The following ZNF804B variants were observed in gnomAD, a reference collection of about 807,000 sequenced individuals.
The protein encoded by ZNF804B is zinc finger 804B.
ZNF804B carries 80 observed loss-of-function variants against 101.4 expected under a neutral mutation model. The observed-to-expected ratio is 0.79, with a 90% CI of 0.66 to 0.95. The LOEUF (loss-of-function observed/expected upper bound fraction) is 0.95. Ranked by LOEUF, ZNF804B falls within the 40% of genes least tolerant of loss-of-function variation. The pLI, the probability that ZNF804B is intolerant of heterozygous loss-of-function variation, is 0.00. For synonymous variants in ZNF804B, 622 were observed against 558.8 expected (o/e 1.11, Z -1.59); for missense variants, 1,673 against 1,561.9 (o/e 1.07, Z -1.20).
intron 2 of ZNF804B, among the ~76,000 whole-genome samples, chr7:89,262,505 C>T (rs1789726116): frequency 6.6e-6 from 1 of 152,184 alleles, no homozygotes. Context: ...ATGTAAAGTG[C>T]TCAGACAGTG....
intron 1 of ZNF804B, among the ~76,000 whole-genome samples, chr7:89,161,647 C>T: frequency 1.0e-5 from 1 of 98,390 alleles, no homozygotes; most frequent in African/African-American, 3.2e-5. Context: ...CCTTAGCCTC[C>T]CAAAGTGCTG....
chr7:89,171,077 C>T (rs182183256), intron 1 of ZNF804B, among the ~76,000 whole-genome samples: 170 of 152,264 alleles, frequency 1.1e-3, no homozygotes, highest in African/African-American at 4.0e-3. Flanking sequence ...TATGAATGAC[C>T]AATAAGGCTG....
intron 1 of ZNF804B, among the ~76,000 whole-genome samples, chr7:88,840,442 T>TA (rs768418755): frequency 6.6e-6 from 1 of 152,146 alleles, no homozygotes; most frequent in Non-Finnish European, 1.5e-5. Context: ...CAATTGTCTG[T>TA]AAAATAAGAA....
At chr7:89,234,962 C>G (rs1243836830) in intron 2 of ZNF804B, among the ~76,000 whole-genome samples, 1 of 152,170 alleles carries the variant, frequency 6.6e-6, no homozygotes, top group Non-Finnish European at 1.5e-5. Flanking sequence ...AACCCTCTCT[C>G]TTATTTCTTA....
At chr7:89,252,494 A>T (rs2115791491) in intron 2 of ZNF804B, among the ~76,000 whole-genome samples, 1 of 152,296 alleles carries the variant, frequency 6.6e-6, no homozygotes, top group African/African-American at 2.4e-5. Flanking sequence ...TAGAACTTAA[A>T]ACAGGACTAC....
intron 2 of ZNF804B, among the ~76,000 whole-genome samples, chr7:89,297,051 C>G (rs1032185956): frequency 6.6e-6 from 1 of 151,906 alleles, no homozygotes; most frequent in African/African-American, 2.4e-5. Context: ...TTAACATAGC[C>G]CCTCAGCTGT....
chr7:89,314,014 C>A (rs1790683014), intron 2 of ZNF804B, among the ~76,000 whole-genome samples: 1 of 152,112 alleles, frequency 6.6e-6, no homozygotes, highest in Non-Finnish European at 1.5e-5. Flanking sequence ...TTCCCTATTT[C>A]CCTCTAGGAA....
rs887375355 is a variant in ZNF804B, at chr7:88,961,088, C to G, written c.108+201004C>G. ...TGAATGTGAATCAAAACCTCTGATTCTATCACATGTGCTCTTAGGCACAAT... is the reference window on the plus strand; with the variant it reads ...TGAATGTGAATCAAAACCTCTGATTGTATCACATGTGCTCTTAGGCACAAT... On this transcript the variant is annotated intron_variant, in intron 1 of 3. Transcript: ENST00000333190. Among the ~76,000 whole-genome samples the G allele has an allele frequency of 2.0e-5, 3 of 151,462 alleles. No homozygotes were observed. In the East Asian group the frequency reaches 5.9e-4, roughly 30 times the overall value.
At position 88,914,430 on chromosome 7, in the gene ZNF804B, G is replaced by T. The variant is rs138136900; in HGVS notation, c.108+154346G>T. Among the ~76,000 whole-genome samples the T allele has an allele frequency of 2.4e-4, 36 of 152,176 alleles. 1 individual carries two copies. In the East Asian group the frequency reaches 6.4e-3, roughly 27 times the overall value. On this transcript the variant is annotated intron_variant, in intron 1 of 3. Coordinates refer to ENST00000333190, the MANE Select transcript of ZNF804B (RefSeq NM_181646.5). ...ATGAAAAACATGTGACTTGAAGAGG[G>T]TTTCTTTCCTGAGGACAAATGAGCA...
chr7:89,062,138 T>C (rs1428711032), intron 1 of ZNF804B, among the ~76,000 whole-genome samples: 1 of 152,144 alleles, frequency 6.6e-6, no homozygotes, highest in Non-Finnish European at 1.5e-5. Flanking sequence ...TACCCTTTAC[T>C]CTGTCAATAG....
chr7:88,978,267 GT>G (rs902506552), intron 1 of ZNF804B, among the ~76,000 whole-genome samples: 2 of 151,726 alleles, frequency 1.3e-5, no homozygotes, highest in African/African-American at 4.8e-5. Context: ...TTCAGTCTGA[GT>G]TTTCTTTGTT....
At chr7:89,173,062 T>C (rs1791262286) in intron 1 of ZNF804B, among the ~76,000 whole-genome samples, 1 of 152,044 alleles carries the variant, frequency 6.6e-6, no homozygotes. Context: ...CCTCCTGGGG[T>C]ATGAATTAAT....
intron 2 of ZNF804B, among the ~76,000 whole-genome samples, chr7:89,279,374 A>C (rs961786241): frequency 6.6e-6 from 1 of 150,504 alleles, no homozygotes; most frequent in African/African-American, 2.5e-5. Flanking sequence ...CCTGGCCAGA[A>C]TTTCCAACAC....
chr7:88,914,427 AG>A (rs1440633190), intron 1 of ZNF804B, among the ~76,000 whole-genome samples: 1 of 152,116 alleles, frequency 6.6e-6, no homozygotes, highest in East Asian at 1.9e-4. Context: ...TGACTTGAAG[AG>A]GGTTTCTTTC....
chr7:89,174,448 T>C (rs2116439216), intron 1 of ZNF804B, among the ~76,000 whole-genome samples: 1 of 152,222 alleles, frequency 6.6e-6, no homozygotes, highest in South Asian at 2.1e-4. Flanking sequence ...TTTTTATGGC[T>C]GAATAGTACT....
intron 1 of ZNF804B, chr7:88,794,988 T>C (rs774198605): frequency 3.4e-6 from 5 of 1,483,946 alleles, no homozygotes; most frequent in Non-Finnish European, 3.6e-6. Flanking sequence ...TTTTAGCTTA[T>C]CATAATATTT....
chr7:88,886,390 A>G (rs1792128286), intron 1 of ZNF804B, among the ~76,000 whole-genome samples: 2 of 152,152 alleles, frequency 1.3e-5, no homozygotes, highest in Admixed American at 6.5e-5. Flanking sequence ...AATCTTTACA[A>G]CAAACCCCTG....
At chr7:89,113,872 C>A (rs1309621961) in intron 1 of ZNF804B, among the ~76,000 whole-genome samples, 2 of 151,712 alleles carry the variant, frequency 1.3e-5, no homozygotes, top group African/African-American at 4.8e-5. Context: ...TCGCTTGAAC[C>A]AAGGAGGCAG....
intron 1 of ZNF804B, among the ~76,000 whole-genome samples, chr7:89,185,428 C>T (rs894705061): frequency 2.0e-5 from 3 of 152,074 alleles, no homozygotes; most frequent in African/African-American, 4.8e-5. Context: ...AGAGAACACC[C>T]CTGTGCCATA....
Sources: allele counts gnomAD v4.1 joint callset (sites outside exome capture counted in the v4.1 genomes callset), GRCh38; gene constraint gnomAD v4.1.1; transcripts MANE v1.5; gene names NCBI Gene and HGNC (gene_info 2026-07-23, HGNC 2026-07-21).